The following PIP5K1B variants were observed in gnomAD, a reference collection of about 807,000 sequenced individuals.
PIP5K1B encodes the protein phosphatidylinositol-4-phosphate 5-kinase type 1 beta, also known as phosphatidylinositol 4-phosphate 5-kinase type-1 beta.
In PIP5K1B, 42 loss-of-function variants were observed where a neutral mutation model predicts 67.0. The ratio of observed to expected loss-of-function variants is 0.63; its 90% confidence interval spans 0.49 to 0.81. The LOEUF (loss-of-function observed/expected upper bound fraction) is 0.81, where lower values mean the gene tolerates loss of function less well. PIP5K1B is among the 30% of genes least tolerant of loss of function. PIP5K1B has a pLI of 0.00. For synonymous variants in PIP5K1B, 214 were observed against 231.4 expected (o/e 0.92, Z 0.68); for missense variants, 459 against 646.3 (o/e 0.71, Z 3.14).
intron 5 of PIP5K1B, among the ~76,000 whole-genome samples, chr9:68,875,732 G>T (rs1587600074): frequency 6.6e-6 from 1 of 152,122 alleles, no homozygotes; most frequent in East Asian, 1.9e-4. Flanking sequence ...GTAGATCAAA[G>T]GGATTTTGAA....
Position 68,958,909 on chromosome 9 carries a change from A to G in PIP5K1B, c.1502+18119A>G, listed in dbSNP as rs866631452. Among the ~76,000 whole-genome samples, 8 of 152,334 alleles carry G rather than the reference A, an allele frequency of 5.3e-5. No individual in the cohort carries two copies. In the South Asian group the frequency reaches 1.7e-3, roughly 32 times the overall value. ...AAATATTATATCAGAAATGTATGGC[A>G]CTGAGAGGAGAAACTAAGTATAATC... On this transcript the variant is annotated intron_variant, in intron 14 of 15. Transcript: ENST00000265382.
chr9:68,841,728 G>C (rs866340730), intron 4 of PIP5K1B, among the ~76,000 whole-genome samples: 1 of 152,150 alleles, frequency 6.6e-6, no homozygotes, highest in Non-Finnish European at 1.5e-5. Flanking sequence ...TGAATATTCT[G>C]TGTGTTTTTT....
intron 14 of PIP5K1B, chr9:68,963,143 A>G: frequency 2.2e-6 from 1 of 456,264 alleles, no homozygotes; most frequent in Middle Eastern, 3.3e-4. Flanking sequence ...CAGCATCTCA[A>G]ATAAAATTGT....
intron 5 of PIP5K1B, among the ~76,000 whole-genome samples, chr9:68,870,031 T>G (rs1342344191): frequency 6.6e-6 from 1 of 152,196 alleles, no homozygotes; most frequent in African/African-American, 2.4e-5. Context: ...AGCGTGTATT[T>G]GGTGAGGATG....
intron 6 of PIP5K1B, among the ~76,000 whole-genome samples, chr9:68,884,744 A>C (rs939382259): frequency 1.1e-4 from 17 of 152,188 alleles, no homozygotes; most frequent in Non-Finnish European, 1.8e-4. Flanking sequence ...CATGAGAGAA[A>C]ACCACAATGA....
intron 14 of PIP5K1B, among the ~76,000 whole-genome samples, chr9:68,943,120 T>C (rs1827642889): frequency 6.6e-6 from 1 of 152,218 alleles, no homozygotes; most frequent in Admixed American, 6.5e-5. Flanking sequence ...ACAACTTCGC[T>C]AAAATACCCA....
At chr9:68,841,814 A>G (rs1821935555) in intron 4 of PIP5K1B, among the ~76,000 whole-genome samples, 1 of 152,194 alleles carries the variant, frequency 6.6e-6, no homozygotes, top group Non-Finnish European at 1.5e-5. Context: ...TAGAAAGAAG[A>G]AGGATTGTAG....
chr9:68,734,522 GGTAGCAGGCA>G (rs1350732088), intron 1 of PIP5K1B, among the ~76,000 whole-genome samples: 18 of 152,222 alleles, frequency 1.2e-4, no homozygotes, highest in African/African-American at 3.4e-4. Context: ...GAAGACTGCT[GGTAGCAGGCA>G]GATGGGTCCA....
At chr9:68,841,500 T>G (rs1267143704) in intron 4 of PIP5K1B, among the ~76,000 whole-genome samples, 1 of 152,202 alleles carries the variant, frequency 6.6e-6, no homozygotes, top group Non-Finnish European at 1.5e-5. Flanking sequence ...AGGTTACAGT[T>G]GAGAGCTATA....
At chr9:68,828,110 G>GAAA (rs1834081787) in intron 4 of PIP5K1B, among the ~76,000 whole-genome samples, 4 of 152,132 alleles carry the variant, frequency 2.6e-5, no homozygotes, top group Non-Finnish European at 5.9e-5. Context: ...CAACACCAGG[G>GAAA]CCTTGACTGT....
At chr9:68,860,089 A>G (rs1049497982) in intron 4 of PIP5K1B, among the ~76,000 whole-genome samples, 3 of 152,126 alleles carry the variant, frequency 2.0e-5, no homozygotes, top group Non-Finnish European at 4.4e-5. Flanking sequence ...GATTTTTAAC[A>G]TACGATCATT....
At chr9:68,847,185 C>T (rs1822233551) in intron 4 of PIP5K1B, among the ~76,000 whole-genome samples, 1 of 151,890 alleles carries the variant, frequency 6.6e-6, no homozygotes, top group South Asian at 2.1e-4. Context: ...GGTTTATTTC[C>T]CCTCCTTAGC....
intron 15 of PIP5K1B, among the ~76,000 whole-genome samples, chr9:69,006,326 C>T (rs1049197150): frequency 2.0e-5 from 3 of 152,104 alleles, no homozygotes; most frequent in Non-Finnish European, 2.9e-5. Flanking sequence ...GGAGGGCTTG[C>T]GTCATGTACA....
At chr9:68,780,299 T>A in intron 2 of PIP5K1B, 1 of 1,597,706 alleles carries the variant, frequency 6.3e-7, no homozygotes, top group Non-Finnish European at 8.5e-7. Context: ...ACGGCCTCAG[T>A]GACACTTCGC....
chr9:68,935,045 G>A lies in PIP5K1B; in HGVS notation c.1357G>A (p.Ala453Thr). ...AAGTTTTAGCAGCCTTGATGAAGAAGGTAAAGATATGTAACTTTTTTAAAA... is the reference window on the plus strand; with the variant it reads ...AAGTTTTAGCAGCCTTGATGAAGAAAGTAAAGATATGTAACTTTTTTAAAA... ...GQSFSSLDEE[A>T]LGSRHRPDLV... Residue 453 changes from alanine to threonine, a missense_variant and splice_region_variant, in exon 13 of 16, where the codon GCC becomes ACC. Transcript: ENST00000265382. 1 of 1,610,438 alleles carries A rather than the reference G, an allele frequency of 6.2e-7. No homozygotes were observed. Among genetic ancestry groups the A allele is most frequent in the Non-Finnish European group, 8.5e-7 (1 of 1,178,354 alleles).
chr9:68,804,421 A>G (rs1254936057), intron 2 of PIP5K1B, among the ~76,000 whole-genome samples: 2 of 152,144 alleles, frequency 1.3e-5, no homozygotes, highest in Non-Finnish European at 2.9e-5. Context: ...TCGGGGAGGC[A>G]GGGGGCAGGT....
intron 4 of PIP5K1B, 138 bp from the exon 5 acceptor site, chr9:68,863,699 T>C (rs1021928421): frequency 3.3e-6 from 2 of 606,990 alleles, no homozygotes. Flanking sequence ...AAGCAACTTA[T>C]CATCTTGCCA....
At chr9:68,944,368 T>C (rs893069319) in intron 14 of PIP5K1B, among the ~76,000 whole-genome samples, 4 of 152,246 alleles carry the variant, frequency 2.6e-5, no homozygotes, top group South Asian at 4.1e-4. Context: ...GTTACACTTA[T>C]GAATATTTTC....
intron 3 of PIP5K1B, among the ~76,000 whole-genome samples, chr9:68,818,830 G>T (rs78482973): frequency 6.6e-6 from 1 of 152,032 alleles, no homozygotes; most frequent in Non-Finnish European, 1.5e-5. Context: ...TTTAAGTGTA[G>T]CAGTGTTCAC....
Sources: gnomAD v4.1 joint callset for allele counts (sites outside exome capture counted in the v4.1 genomes callset) on GRCh38, gnomAD v4.1.1 for gene constraint, MANE v1.5 for transcripts, NCBI Gene and HGNC (gene_info 2026-07-23, HGNC 2026-07-21) for gene names.